ZNF385D: variants seen among roughly 807,000 people sequenced by gnomAD.
The protein encoded by ZNF385D is zinc finger protein 659.
A neutral mutation model predicts 35.8 loss-of-function variants in ZNF385D; 15 were observed. The ratio of observed to expected loss-of-function variants is 0.42; its 90% CI spans 0.28 to 0.64. The LOEUF is 0.64. Among genes scored for constraint, ZNF385D ranks in the 30% least tolerant of loss-of-function variants. ZNF385D has a pLI of 0.23. For synonymous variants in ZNF385D, 212 were observed against 186.8 expected, an observed-to-expected ratio of 1.13 and a Z score of -1.10; for missense variants, 474 against 494.6, an observed-to-expected ratio of 0.96 and a Z score of 0.39.
At chr3:22,151,928 T>C (rs1318010434) in intron 3 of ZNF385D, among the ~76,000 whole-genome samples, 1 of 152,142 alleles carries the variant, frequency 6.6e-6, no homozygotes, top group Non-Finnish European at 1.5e-5. Flanking sequence ...TAGGAGTTTC[T>C]TGTACAGGTT....
chr3:22,365,591 G>C (rs1696621390), intron 2 of ZNF385D, among the ~76,000 whole-genome samples: 1 of 152,036 alleles, frequency 6.6e-6, no homozygotes, highest in East Asian at 1.9e-4. Flanking sequence ...AAACATCTCT[G>C]TCTGTTCAAT....
At chr3:22,104,285 C>G (rs1169678387) in intron 3 of ZNF385D, among the ~76,000 whole-genome samples, 1 of 152,002 alleles carries the variant, frequency 6.6e-6, no homozygotes, top group Non-Finnish European at 1.5e-5. Flanking sequence ...TTCACATTCA[C>G]TAAAATTCAC....
At chr3:21,755,404 A>G (rs1378921053), upstream of ZNF385D, among the ~76,000 whole-genome samples, 1 of 152,176 alleles carries the variant, frequency 6.6e-6, no homozygotes, top group African/African-American at 2.4e-5. Flanking sequence ...TCGCTTCTCC[A>G]TTTGTAAATA....
At chr3:21,681,650 C>T (rs2066910782) in intron 1 of ZNF385D, among the ~76,000 whole-genome samples, 1 of 141,546 alleles carries the variant, frequency 7.1e-6, no homozygotes, top group Admixed American at 7.3e-5. Flanking sequence ...CAAATGTACA[C>T]ACATGCATTT....
intron 2 of ZNF385D, among the ~76,000 whole-genome samples, chr3:21,588,080 G>A (rs1559435871): frequency 6.6e-6 from 1 of 152,088 alleles, no homozygotes; most frequent in African/African-American, 2.4e-5. Context: ...TAAAGTTCCT[G>A]GTCTCAATGA....
intron 3 of ZNF385D, among the ~76,000 whole-genome samples, chr3:21,951,003 T>G (rs1016379872): frequency 2.0e-5 from 3 of 151,718 alleles, no homozygotes; most frequent in African/African-American, 7.3e-5. Flanking sequence ...TTGTTCTTTT[T>G]GCTTAGGATT....
intron 3 of ZNF385D, among the ~76,000 whole-genome samples, chr3:21,904,214 G>C (rs765146366): frequency 6.8e-6 from 1 of 146,796 alleles, no homozygotes; most frequent in South Asian, 2.2e-4. Flanking sequence ...TGAGGCAGGA[G>C]AATGGCTTGA....
intron 4 of ZNF385D, among the ~76,000 whole-genome samples, chr3:21,484,768 CAA>C (rs1032554046): frequency 1.3e-5 from 2 of 152,216 alleles, no homozygotes; most frequent in African/African-American, 2.4e-5. Context: ...TGGGTATAAT[CAA>C]AAGAGTCCCA....
intron 3 of ZNF385D, among the ~76,000 whole-genome samples, chr3:22,036,777 A>T (rs1698351921): frequency 6.7e-6 from 1 of 149,028 alleles, no homozygotes; most frequent in South Asian, 2.1e-4. Flanking sequence ...TTTGCTACAT[A>T]TGTATACATG....
intron 1 of ZNF385D, among the ~76,000 whole-genome samples, chr3:21,694,913 A>G (rs2067418156): frequency 6.6e-6 from 1 of 152,198 alleles, no homozygotes; most frequent in African/African-American, 2.4e-5. Flanking sequence ...AGAAAATGAA[A>G]GCAGAGAGGA....
chr3:21,821,165 TTTATGAG>T (rs1694197802), intron 3 of ZNF385D, among the ~76,000 whole-genome samples: 1 of 152,062 alleles, frequency 6.6e-6, no homozygotes, highest in African/African-American at 2.4e-5. Context: ...TCTAAGTTAT[TTTATGAG>T]ACAAGAATAG....
intron 2 of ZNF385D, among the ~76,000 whole-genome samples, chr3:22,194,104 ATGG>A (rs1378131425): frequency 6.6e-6 from 1 of 151,968 alleles, no homozygotes; most frequent in African/African-American, 2.4e-5. Context: ...ACATGCATGA[ATGG>A]TAACACAGAA....
At chr3:22,006,934 T>C (rs185674383) in intron 3 of ZNF385D, among the ~76,000 whole-genome samples, 232 of 152,042 alleles carry the variant, frequency 1.5e-3, no homozygotes, top group African/African-American at 5.2e-3. Context: ...GTCCTGAGTT[T>C]GTGAGGAAAA....
At chr3:22,327,067 G>A (rs1232261886) in intron 2 of ZNF385D, among the ~76,000 whole-genome samples, 1 of 152,068 alleles carries the variant, frequency 6.6e-6, no homozygotes, top group Non-Finnish European at 1.5e-5. Context: ...AATCTATTAA[G>A]TACCTTAAAA....
chr3:22,144,672 C>A (rs1423488439), intron 3 of ZNF385D, among the ~76,000 whole-genome samples: 1 of 149,504 alleles, frequency 6.7e-6, no homozygotes, highest in East Asian at 2.0e-4. Context: ...TAGTAGATAT[C>A]ACCAATAGTA....
chr3:22,077,795 G>A (rs897297361), intron 3 of ZNF385D, among the ~76,000 whole-genome samples: 14 of 151,928 alleles, frequency 9.2e-5, no homozygotes, highest in Non-Finnish European at 1.8e-4. Context: ...GAAACAGAAT[G>A]TCAGTCTAAA....
intron 3 of ZNF385D, among the ~76,000 whole-genome samples, chr3:22,123,928 C>CTT (rs1703254704): frequency 1.6e-5 from 1 of 60,754 alleles, no homozygotes; most frequent in Non-Finnish European, 3.5e-5. Flanking sequence ...CTCCATCTCT[C>CTT]TCTCTCTCTC....
intron 2 of ZNF385D, among the ~76,000 whole-genome samples, chr3:22,327,328 T>C (rs1694724888): frequency 6.6e-6 from 1 of 152,040 alleles, no homozygotes; most frequent in South Asian, 2.1e-4. Context: ...ATAAGAAATG[T>C]AAATTTTCTA....
At chr3:21,902,881 A>C (rs919451690) in intron 3 of ZNF385D, among the ~76,000 whole-genome samples, 1 of 152,180 alleles carries the variant, frequency 6.6e-6, no homozygotes, top group Non-Finnish European at 1.5e-5. Context: ...CCCCTTTAGT[A>C]GGAGTAACTG....
Sources: allele counts gnomAD v4.1 joint callset (sites outside exome capture counted in the v4.1 genomes callset), GRCh38; gene constraint gnomAD v4.1.1; transcripts MANE v1.5; gene names NCBI Gene and HGNC (gene_info 2026-07-23, HGNC 2026-07-21).